Variants in STXBP6 observed in about 807,000 individuals in gnomAD.
STXBP6 encodes the protein syntaxin binding protein 6, also known as syntaxin-binding protein 6.
STXBP6 carries 21 observed loss-of-function variants against 26.9 expected under a neutral mutation model. The observed-to-expected ratio is 0.78, with a 90% CI of 0.55 to 1.12. STXBP6 has a LOEUF of 1.12. Among genes scored for constraint, STXBP6 ranks in the 50% most tolerant of loss-of-function variants. The probability of loss-of-function intolerance (pLI) is 0.00; values close to 1 mark genes in which losing one functional copy is unlikely to be tolerated. For missense variants in STXBP6, 232 were observed against 257.9 expected (o/e 0.90, Z 0.69); for synonymous variants, 97 against 92.6 (o/e 1.05, Z -0.27).
intron 1 of STXBP6, among the ~76,000 whole-genome samples, chr14:24,991,021 GAGA>G (rs1313297695): frequency 1.3e-5 from 2 of 151,298 alleles, no homozygotes; most frequent in Non-Finnish European, 2.9e-5. Flanking sequence ...GAGAGAGAAA[GAGA>G]AGAGAGACAG....
chr14:25,042,448 T>A (rs904892701), intron 1 of STXBP6, among the ~76,000 whole-genome samples: 14 of 152,128 alleles, frequency 9.2e-5, no homozygotes, highest in Admixed American at 2.0e-4. Context: ...GAATTCTTGA[T>A]CTTTGTGGGC....
chr14:24,925,818 C>G (rs1595122700), intron 2 of STXBP6, among the ~76,000 whole-genome samples: 2 of 152,098 alleles, frequency 1.3e-5, no homozygotes, highest in South Asian at 2.1e-4. Flanking sequence ...CTAACTCCCC[C>G]CTACACAAAA....
At chr14:24,977,273 T>G (rs369718055) in intron 1 of STXBP6, among the ~76,000 whole-genome samples, 1 of 152,196 alleles carries the variant, frequency 6.6e-6, no homozygotes, top group Admixed American at 6.5e-5. Context: ...AAAGCTATCA[T>G]TTTATCATAT....
rs527900116 is a variant in STXBP6, at chr14:24,902,322, T to C, written c.155-45165A>G. 1.2e-4 allele frequency among the ~76,000 whole-genome samples: 18 copies of C among 152,222 alleles called. No individual in the cohort carries two copies. The East Asian group carries it at 2.9e-3, about 24-fold the overall frequency. ...CTAAATTAAAATGCTGTAGTAATATTTGCCATAGACATGGAATGATAAGAT... is the reference window on the plus strand; with the variant it reads ...CTAAATTAAAATGCTGTAGTAATATCTGCCATAGACATGGAATGATAAGAT... On this transcript the variant is annotated intron_variant, in intron 2 of 5. Transcript: ENST00000323944.
intron 5 of STXBP6, among the ~76,000 whole-genome samples, chr14:24,814,215 A>G (rs927307569): frequency 6.6e-6 from 1 of 152,248 alleles, no homozygotes; most frequent in African/African-American, 2.4e-5. Context: ...TTTATAGTCC[A>G]GGAAACATAT....
intron 1 of STXBP6, among the ~76,000 whole-genome samples, chr14:25,048,010 T>C (rs2075751675): frequency 6.6e-6 from 1 of 152,148 alleles, no homozygotes; most frequent in South Asian, 2.1e-4. Flanking sequence ...CTTCCTCAGA[T>C]AAATATGAGG....
chr14:24,961,940 C>T (rs2073555101), intron 2 of STXBP6, among the ~76,000 whole-genome samples: 1 of 152,112 alleles, frequency 6.6e-6, no homozygotes, highest in South Asian at 2.1e-4. Context: ...GTTTGGTTGA[C>T]ATTTACCACT....
intron 1 of STXBP6, among the ~76,000 whole-genome samples, chr14:25,004,047 C>T (rs2074831286): frequency 1.3e-5 from 2 of 152,172 alleles, no homozygotes; most frequent in South Asian, 2.1e-4. Context: ...AGGCCTGGTG[C>T]CTACCTCAAA....
chr14:24,972,947 T>C (rs2073942596), intron 2 of STXBP6, among the ~76,000 whole-genome samples: 1 of 152,142 alleles, frequency 6.6e-6, no homozygotes, highest in East Asian at 1.9e-4. Flanking sequence ...TGAGAACTCA[T>C]CTTTACAAAA....
intron 1 of STXBP6, among the ~76,000 whole-genome samples, chr14:25,022,615 C>T (rs578106078): frequency 6.6e-6 from 1 of 152,322 alleles, no homozygotes; most frequent in African/African-American, 2.4e-5. Flanking sequence ...AAACCATAAA[C>T]ATATGCTACA....
intron 2 of STXBP6, among the ~76,000 whole-genome samples, chr14:24,875,873 C>T (rs1327210553): frequency 1.3e-5 from 2 of 152,080 alleles, no homozygotes; most frequent in African/African-American, 4.8e-5. Context: ...GATTGAAGTG[C>T]AGTCATATTC....
At chr14:24,935,814 C>T (rs1181990417) in intron 2 of STXBP6, among the ~76,000 whole-genome samples, 1 of 152,204 alleles carries the variant, frequency 6.6e-6, no homozygotes, top group East Asian at 1.9e-4. Flanking sequence ...TCTTTCTTCT[C>T]AGATGTAGCA....
At chr14:25,000,112 G>C (rs2074718222) in intron 1 of STXBP6, among the ~76,000 whole-genome samples, 1 of 151,858 alleles carries the variant, frequency 6.6e-6, no homozygotes, top group Admixed American at 6.5e-5. Flanking sequence ...ACCCAGGCTG[G>C]AGTGCAGTGG....
At chr14:24,979,414 C>T (rs542191052) in intron 1 of STXBP6, among the ~76,000 whole-genome samples, 2 of 152,308 alleles carry the variant, frequency 1.3e-5, no homozygotes, top group South Asian at 4.1e-4. Flanking sequence ...GATGATGTCA[C>T]CCTGGAAGAC....
chr14:24,872,396 T>C (rs1426069130), intron 2 of STXBP6, among the ~76,000 whole-genome samples: 1 of 152,220 alleles, frequency 6.6e-6, no homozygotes, highest in Non-Finnish European at 1.5e-5. Flanking sequence ...TGTGACTTCA[T>C]ACCTGAAGTC....
At chr14:24,943,494 A>G (rs2072875846) in intron 2 of STXBP6, among the ~76,000 whole-genome samples, 1 of 152,270 alleles carries the variant, frequency 6.6e-6, no homozygotes, top group Non-Finnish European at 1.5e-5. Flanking sequence ...ATGTTTCATC[A>G]GAAGCAAAAC....
intron 2 of STXBP6, among the ~76,000 whole-genome samples, chr14:24,898,549 C>T (rs1171837095): frequency 2.0e-5 from 3 of 152,026 alleles, no homozygotes; most frequent in Non-Finnish European, 2.9e-5. Context: ...TGGTGGCATG[C>T]GCCTATAGTC....
intron 2 of STXBP6, among the ~76,000 whole-genome samples, chr14:24,927,745 G>A (rs1433063778): frequency 6.6e-6 from 1 of 152,180 alleles, no homozygotes; most frequent in African/African-American, 2.4e-5. Context: ...AACGATATAT[G>A]TTCAGATGTT....
chr14:24,904,791 TG>T (rs576309324), intron 2 of STXBP6, among the ~76,000 whole-genome samples: 7 of 152,162 alleles, frequency 4.6e-5, no homozygotes, highest in South Asian at 2.1e-4. Context: ...CCTCCAGAAC[TG>T]GAAGAAAAAT....
Sources: gnomAD v4.1 joint callset for allele counts (sites outside exome capture counted in the v4.1 genomes callset) on GRCh38, gnomAD v4.1.1 for gene constraint, MANE v1.5 for transcripts, NCBI Gene and HGNC (gene_info 2026-07-23, HGNC 2026-07-21) for gene names.